Variants in NRXN3 observed in about 807,000 individuals in gnomAD.
The protein encoded by NRXN3 is neurexin III.
Under a neutral mutation model 137.6 loss-of-function variants are expected in NRXN3, and 32 were observed. The ratio of observed to expected loss-of-function variants is 0.23; its 90% CI spans 0.18 to 0.31. The LOEUF (loss-of-function observed/expected upper bound fraction) is 0.31, where lower values mean the gene tolerates loss of function less well. Among genes scored for constraint, NRXN3 ranks in the 10% least tolerant of loss-of-function variants. The probability of loss-of-function intolerance (pLI) is 1.00; values close to 1 mark genes in which losing one functional copy is unlikely to be tolerated. For synonymous variants in NRXN3, 798 were observed against 784.5 expected (o/e 1.02, Z -0.29); for missense variants, 1,574 against 2,062.5 (o/e 0.76, Z 4.59).
intron 4 of NRXN3, among the ~76,000 whole-genome samples, chr14:78,533,386 C>T (rs2096495504): frequency 6.6e-6 from 1 of 152,118 alleles, no homozygotes; most frequent in Admixed American, 6.6e-5. Context: ...TCCTGTATCA[C>T]TAGTGTACAC....
At chr14:79,202,586 GCGTC>G (rs1312164682) in intron 15 of NRXN3, among the ~76,000 whole-genome samples, 4 of 151,990 alleles carry the variant, frequency 2.6e-5, no homozygotes, top group African/African-American at 9.7e-5. Context: ...TAATACCTTT[GCGTC>G]CTCATAGCTT....
At position 78,364,668 on chromosome 14, in the gene NRXN3, C is replaced by A. The variant is rs567230394; in HGVS notation, c.757+66808C>A. Among the ~76,000 whole-genome samples, 3 of 152,274 alleles carry A rather than the reference C, an allele frequency of 2.0e-5. No individual in the cohort carries two copies. The East Asian group carries it at 5.8e-4, about 29-fold the overall frequency. On this transcript the variant is annotated intron_variant, in intron 4 of 20. Coordinates refer to ENST00000335750, the MANE Select transcript of NRXN3 (RefSeq NM_001330195.2). ...CATTGGCCTTCAGTGAACTGGCACTCGTCACGTTTTAGTTGTGCCTAGGTA... is the reference window on the plus strand; with the variant it reads ...CATTGGCCTTCAGTGAACTGGCACTAGTCACGTTTTAGTTGTGCCTAGGTA...
At chr14:79,800,595 C>G (rs1416845010) in intron 19 of NRXN3, among the ~76,000 whole-genome samples, 1 of 152,188 alleles carries the variant, frequency 6.6e-6, no homozygotes, top group African/African-American at 2.4e-5. Context: ...CAGAGATCCA[C>G]CAATTTGTTC....
chr14:78,995,974 C>T (rs1598353864), intron 15 of NRXN3, among the ~76,000 whole-genome samples: 1 of 152,176 alleles, frequency 6.6e-6, no homozygotes, highest in Non-Finnish European at 1.5e-5. Flanking sequence ...ATCTTCTGTA[C>T]TCTGGGCCCC....
At chr14:79,047,692 T>G (rs960251171) in intron 15 of NRXN3, among the ~76,000 whole-genome samples, 2 of 152,178 alleles carry the variant, frequency 1.3e-5, no homozygotes, top group African/African-American at 4.8e-5. Flanking sequence ...ATTCCACATC[T>G]TTAGTAATCA....
chr14:78,749,163 T>C (rs1275632463), intron 8 of NRXN3, among the ~76,000 whole-genome samples: 1 of 152,190 alleles, frequency 6.6e-6, no homozygotes, highest in African/African-American at 2.4e-5. Flanking sequence ...GGCTGAGCAG[T>C]GACTTCTTCC....
intron 4 of NRXN3, among the ~76,000 whole-genome samples, chr14:78,502,748 C>A (rs868647076): frequency 1.9e-4 from 29 of 152,278 alleles, no homozygotes; most frequent in Non-Finnish European, 2.9e-4. Flanking sequence ...GGGTTAATCT[C>A]CCTCACCCTT....
At chr14:79,378,363 G>T (rs1446892020) in intron 15 of NRXN3, among the ~76,000 whole-genome samples, 1 of 152,058 alleles carries the variant, frequency 6.6e-6, no homozygotes, top group Non-Finnish European at 1.5e-5. Context: ...TCCAAAACCA[G>T]TCATTAGGGA....
intron 4 of NRXN3, among the ~76,000 whole-genome samples, chr14:78,632,977 T>A (rs1319648970): frequency 1.3e-5 from 2 of 152,004 alleles, no homozygotes; most frequent in African/African-American, 4.8e-5. Flanking sequence ...GGCTCACGCA[T>A]GTAATCCCAG....
chr14:78,899,868 C>T (rs1373065881), intron 10 of NRXN3, among the ~76,000 whole-genome samples: 2 of 151,974 alleles, frequency 1.3e-5, no homozygotes, highest in Admixed American at 6.6e-5. Flanking sequence ...CTCTCTTTTT[C>T]ATTTTTAAAG....
chr14:78,518,667 A>G (rs376044361), intron 4 of NRXN3, among the ~76,000 whole-genome samples: 4 of 152,264 alleles, frequency 2.6e-5, no homozygotes, highest in South Asian at 4.2e-4. Flanking sequence ...AGAGGCAAGA[A>G]TTCAATCAAA....
chr14:78,721,838 T>C (rs1361428281), intron 8 of NRXN3, among the ~76,000 whole-genome samples: 1 of 151,966 alleles, frequency 6.6e-6, no homozygotes, highest in Non-Finnish European at 1.5e-5. Flanking sequence ...AATCAAACTG[T>C]CTCCTTTTTT....
At chr14:78,540,829 TCA>T (rs564137958) in intron 4 of NRXN3, among the ~76,000 whole-genome samples, 24 of 152,330 alleles carry the variant, frequency 1.6e-4, no homozygotes, top group Admixed American at 1.4e-3. Context: ...ACAAAATCTC[TCA>T]GTGTTTGGTT....
chr14:79,821,565 A>G (rs1603615895), intron 20 of NRXN3, among the ~76,000 whole-genome samples: 2 of 151,854 alleles, frequency 1.3e-5, no homozygotes, highest in South Asian at 4.2e-4. Flanking sequence ...CCTTTCATAA[A>G]TTTGGCAGGA....
intron 1 of NRXN3, among the ~76,000 whole-genome samples, chr14:78,186,664 T>C (rs890142870): frequency 1.3e-5 from 2 of 152,344 alleles, no homozygotes; most frequent in Non-Finnish European, 1.5e-5. Context: ...GCCTTTTTAA[T>C]AGGGGGTCCT....
At chr14:78,513,287 G>C (rs192631147) in intron 4 of NRXN3, among the ~76,000 whole-genome samples, 1 of 152,138 alleles carries the variant, frequency 6.6e-6, no homozygotes, top group Admixed American at 6.5e-5. Flanking sequence ...GTACTTATTA[G>C]ATGTTAGCTA....
At chr14:79,343,162 G>T (rs1225797263) in intron 15 of NRXN3, among the ~76,000 whole-genome samples, 4 of 152,140 alleles carry the variant, frequency 2.6e-5, no homozygotes. Context: ...AGTTTAGGGA[G>T]CATCACAGTC....
chr14:78,352,588 C>G (rs1254154329), intron 4 of NRXN3, among the ~76,000 whole-genome samples: 2 of 152,174 alleles, frequency 1.3e-5, no homozygotes, highest in Non-Finnish European at 2.9e-5. Flanking sequence ...GGGATTTACC[C>G]TCCACACTGT....
chr14:79,081,518 G>A (rs1399602840), intron 15 of NRXN3, among the ~76,000 whole-genome samples: 1 of 152,004 alleles, frequency 6.6e-6, no homozygotes, highest in South Asian at 2.1e-4. Context: ...GGAGGCTGAG[G>A]CAGAGGAATC....
Sources: gnomAD v4.1 joint callset for allele counts (sites outside exome capture counted in the v4.1 genomes callset) on GRCh38, gnomAD v4.1.1 for gene constraint, MANE v1.5 for transcripts, NCBI Gene and HGNC (gene_info 2026-07-23, HGNC 2026-07-21) for gene names.